Variants in PLEKHA7 observed in about 807,000 individuals in gnomAD.
PLEKHA7 encodes the protein pleckstrin homology domain containing A7.
A neutral mutation model predicts 170.0 loss-of-function variants in PLEKHA7; 104 were observed. The observed-to-expected ratio is 0.61, with a 90% CI of 0.52 to 0.72. The LOEUF is 0.72. Among genes scored for constraint, PLEKHA7 ranks in the 30% least tolerant of loss-of-function variants. The pLI is 0.00. For missense variants in PLEKHA7, 1,615 were observed against 1,671.7 expected, an observed-to-expected ratio of 0.97 and a Z score of 0.59; for synonymous variants, 648 against 660.8, an observed-to-expected ratio of 0.98 and a Z score of 0.30.
At position 16,969,123 on chromosome 11, in the gene PLEKHA7, AACTG is replaced by A. The variant is rs539364517; in HGVS notation, c.221+44862_221+44865del. ...GAGAAGATTCTGGCTCTTTTGATGC[AACTG>A]ACTGCCTGGTGCTGTCTCACTTTCC... On this transcript the variant is annotated intron_variant, in intron 3 of 26. Coordinates refer to ENST00000531066, the MANE Select transcript of PLEKHA7 (RefSeq NM_001329630.2). Among the ~76,000 whole-genome samples, 31 of 152,246 alleles carry A rather than the reference AACTG, an allele frequency of 2.0e-4. 1 individual carries two copies. In the East Asian group the frequency reaches 5.8e-3, roughly 28 times the overall value.
chr11:16,894,282 A>G (rs1244074528), intron 3 of PLEKHA7, among the ~76,000 whole-genome samples: 4 of 152,168 alleles, frequency 2.6e-5, no homozygotes, highest in Non-Finnish European at 5.9e-5. Context: ...ATGATTTCGG[A>G]AATTCTCCAC....
chr11:16,839,379 C>T (rs1013674139), intron 9 of PLEKHA7, among the ~76,000 whole-genome samples: 8 of 150,716 alleles, frequency 5.3e-5, no homozygotes, highest in Non-Finnish European at 7.4e-5. Flanking sequence ...ACAGTTTTTG[C>T]ATTTTTATAT....
At chr11:16,796,007 C>T (rs1462130431) in intron 17 of PLEKHA7, among the ~76,000 whole-genome samples, 2 of 151,820 alleles carry the variant, frequency 1.3e-5, no homozygotes, top group Non-Finnish European at 2.9e-5. Context: ...TACAGGCGCC[C>T]ACCACCACAT....
At chr11:16,924,021 AC>A (rs977673728) in intron 3 of PLEKHA7, among the ~76,000 whole-genome samples, 23 of 151,036 alleles carry the variant, frequency 1.5e-4, no homozygotes, top group African/African-American at 5.6e-4. Context: ...TCTCTAACCA[AC>A]CCCCGTCCCT....
rs575198725 is a variant in PLEKHA7 at position 16,988,446 on chromosome 11, T to C, written c.221+25543A>G. The stretch of plus-strand genomic sequence containing the variant: ...TTTCCTTCTTTCCTTCCTTCTTTCT[T>C]CCTTTCTTCCTTTCTTTGAGACAGA... On this transcript the variant is annotated intron_variant, in intron 3 of 26. Transcript: ENST00000531066. 4.6e-5 allele frequency among the ~76,000 whole-genome samples: 7 copies of C among 152,280 alleles called. No homozygotes were observed. The South Asian group carries it at 1.5e-3, about 32-fold the overall frequency.
chr11:16,909,884 G>A (rs528216230), intron 3 of PLEKHA7, among the ~76,000 whole-genome samples: 11 of 152,196 alleles, frequency 7.2e-5, no homozygotes, highest in Non-Finnish European at 1.3e-4. Context: ...ACAGCCCTTC[G>A]GAAACCTCAC....
rs1240740470 is a variant in PLEKHA7 at position 16,784,751 on chromosome 11, C to T, written c.3517-918G>A. On this transcript the variant is annotated intron_variant, in intron 24 of 26. Transcript: ENST00000531066. Reference sequence around the variant, plus strand: ...ATCAGGTCATGGATTTAAACCCACACGCAGCCCTTTCACTCTGTTGGAGAT... The same window carrying T: ...ATCAGGTCATGGATTTAAACCCACATGCAGCCCTTTCACTCTGTTGGAGAT... Among the ~76,000 whole-genome samples the T allele has an allele frequency of 2.6e-5, 4 of 152,302 alleles. No individual in the cohort carries two copies. In the East Asian group the frequency reaches 5.8e-4, roughly 22 times the overall value.
At chr11:16,892,699 G>A (rs1856746762) in intron 3 of PLEKHA7, among the ~76,000 whole-genome samples, 1 of 138,514 alleles carries the variant, frequency 7.2e-6, no homozygotes, top group Non-Finnish European at 1.5e-5. Context: ...TCAAACTCCT[G>A]AGCTCACGCA....
intron 4 of PLEKHA7, among the ~76,000 whole-genome samples, chr11:16,859,045 C>T (rs432046): frequency 0.12 from 17,988 of 152,218 alleles, 1,141 homozygotes; most frequent in East Asian, 0.16. Flanking sequence ...CATAGAAAGC[C>T]TATTAGGAAA....
intron 3 of PLEKHA7, among the ~76,000 whole-genome samples, chr11:16,948,495 A>C (rs943771667): frequency 6.6e-5 from 10 of 152,148 alleles, no homozygotes; most frequent in African/African-American, 2.4e-4. Context: ...CATTTCCCTC[A>C]CATCAGGAAG....
Position 16,862,574 on chromosome 11 carries a change from T to C in PLEKHA7, c.306-6660A>G, listed in dbSNP as rs191961500. On this transcript the variant is annotated intron_variant, in intron 4 of 26. Coordinates refer to ENST00000531066, the MANE Select transcript of PLEKHA7 (RefSeq NM_001329630.2). ...TACTACTTACAGGAAGCAGCTTCCC[T>C]TCCTCACACAGCAAAGCCACCACTG... is the stretch of plus-strand genomic sequence containing the variant. Among the ~76,000 whole-genome samples the C allele has an allele frequency of 3.3e-5, 5 of 152,294 alleles. No individual in the cohort carries two copies. The East Asian group carries it at 9.6e-4, about 29-fold the overall frequency.
intron 13 of PLEKHA7, 70 bp from the exon 14 acceptor site, chr11:16,803,365 A>T: frequency 1.3e-6 from 2 of 1,485,216 alleles, no homozygotes; most frequent in Non-Finnish European, 1.9e-6. Context: ...AAGAAAATTC[A>T]TCCTATAATG....
chr11:16,816,396 T>C, intron 11 of PLEKHA7, 132 bp from the exon 12 acceptor site: 3 of 689,230 alleles, frequency 4.4e-6, no homozygotes, highest in South Asian at 3.2e-5. Context: ...CACATCTTAC[T>C]CTCAGGGTTA....
chr11:16,909,333 T>G (rs1289560245), intron 3 of PLEKHA7, among the ~76,000 whole-genome samples: 1 of 152,220 alleles, frequency 6.6e-6, no homozygotes, highest in Non-Finnish European at 1.5e-5. Flanking sequence ...CTCTTAATGT[T>G]CATTGCCTTT....
At chr11:16,841,508 T>C in intron 9 of PLEKHA7, 39 bp downstream of exon 9, 1 of 1,595,638 alleles carries the variant, frequency 6.3e-7, no homozygotes. Flanking sequence ...AATCCTAGTG[T>C]AGGAGGTGCT....
At chr11:16,820,316 T>G (rs901356820) in intron 10 of PLEKHA7, among the ~76,000 whole-genome samples, 1 of 152,224 alleles carries the variant, frequency 6.6e-6, no homozygotes, top group Non-Finnish European at 1.5e-5. Flanking sequence ...TATTACAAAA[T>G]GGGGATAGTA....
At position 16,777,906 on chromosome 11, in the gene PLEKHA7, G is replaced by C. The variant is rs1342130177; in HGVS notation, c.*1092C>G. On this transcript the variant is annotated 3_prime_UTR_variant, in exon 27 of 27. Coordinates refer to ENST00000531066, the MANE Select transcript of PLEKHA7 (RefSeq NM_001329630.2). ...TTTCTAGGTAGATGTCACCCAGTGT[G>C]GAGTTTATTGCTACGATACAATGAA... The C allele has an allele frequency of 6.6e-6, 1 of 152,198 alleles. No homozygotes were observed. Among genetic ancestry groups the C allele is most frequent in the Admixed American group, 6.5e-5 (1 of 15,282 alleles). The allele number at this position is 152,198 out of a possible 1,614,324, so 9.4% of individuals were successfully genotyped here. A position where few individuals can be genotyped will look rare whatever the true frequency, so the allele number is the denominator to read the frequency against.
rs1847807903 is a variant in PLEKHA7 at position 16,791,000 on chromosome 11, C to T, written c.2934+11G>A. Reference sequence around the variant, plus strand: ...ACATGTAGAGTGGCAGCCCCAGGGTCCCCCGCTCACCCTGGAATCCCCATT... The same window carrying T: ...ACATGTAGAGTGGCAGCCCCAGGGTTCCCCGCTCACCCTGGAATCCCCATT... On this transcript the variant is annotated intron_variant, in intron 20 of 26. Transcript: ENST00000531066. The T allele has an allele frequency of 1.2e-6, 2 of 1,613,912 alleles. No homozygotes were observed. Among genetic ancestry groups the T allele is most frequent in the East Asian group, 2.2e-5 (1 of 44,862 alleles).
chr11:16,831,646 C>A (rs400085), intron 9 of PLEKHA7, among the ~76,000 whole-genome samples: 14,641 of 152,296 alleles, frequency 0.096, 820 homozygotes, highest in East Asian at 0.16. Flanking sequence ...ACAGCTGGCA[C>A]AGGTTTTAGA....
Sources: allele counts gnomAD v4.1 joint callset (sites outside exome capture counted in the v4.1 genomes callset), GRCh38; gene constraint gnomAD v4.1.1; transcripts MANE v1.5; gene names NCBI Gene and HGNC (gene_info 2026-07-23, HGNC 2026-07-21).